Variants in SGCE observed in about 807,000 individuals in gnomAD.
The protein encoded by SGCE is sarcoglycan epsilon, also known as epsilon-sarcoglycan.
Under a neutral mutation model 57.8 loss-of-function variants are expected in SGCE, and 26 were observed. The observed-to-expected ratio is 0.45, with a 90% CI of 0.33 to 0.62. The LOEUF is 0.62. Among genes scored for constraint, SGCE ranks in the 20% least tolerant of loss-of-function variants. SGCE has a pLI of 0.02. For synonymous variants in SGCE, 183 were observed against 189.5 expected, an observed-to-expected ratio of 0.97 and a Z score of 0.28; for missense variants, 468 against 548.6, an observed-to-expected ratio of 0.85 and a Z score of 1.47.
chr7:94,585,611 C>T (rs1796788164), intron 10 of SGCE, 96 bp from the exon 11 acceptor site: 1 of 823,608 alleles, frequency 1.2e-6, no homozygotes, highest in East Asian at 2.4e-5. Flanking sequence ...AGAAAGTTTC[C>T]ATCTTCTTAA....
chr7:94,638,036 A>G (rs1473205129), intron 1 of SGCE, among the ~76,000 whole-genome samples: 2 of 152,206 alleles, frequency 1.3e-5, no homozygotes, highest in African/African-American at 2.4e-5. Flanking sequence ...CCAGCCAGAT[A>G]AGGGTGTAAT....
chr7:94,624,531 G>A (rs923744141), intron 3 of SGCE: 6 of 270,376 alleles, frequency 2.2e-5, no homozygotes, highest in African/African-American at 1.3e-4. Context: ...TTATTTCCTT[G>A]CTGTTATCTG....
At chr7:94,587,762 A>G (rs530763000) in intron 10 of SGCE, 1 of 1,539,582 alleles carries the variant, frequency 6.5e-7, no homozygotes, top group South Asian at 1.2e-5. Context: ...CTGATGAACA[A>G]TTTCATTATA....
chr7:94,588,197 CTTG>C (rs1797166098), intron 10 of SGCE: 17 of 1,074,028 alleles, frequency 1.6e-5, no homozygotes, highest in Non-Finnish European at 1.9e-5. Flanking sequence ...TGTCCGCCAT[CTTG>C]TTGTCATTGG....
At chr7:94,594,103 A>T (rs966725214) in intron 9 of SGCE, among the ~76,000 whole-genome samples, 2 of 152,110 alleles carry the variant, frequency 1.3e-5, no homozygotes, top group Non-Finnish European at 2.9e-5. Flanking sequence ...ATTACTTGGA[A>T]TTAAATTTTT....
At chr7:94,588,371 G>C in intron 10 of SGCE, 4 of 1,143,124 alleles carry the variant, frequency 3.5e-6, no homozygotes, top group Non-Finnish European at 4.3e-6. Flanking sequence ...ATGCATCCAA[G>C]CTAAGAATCT....
chr7:94,631,455 A>C (rs912328503), intron 1 of SGCE, among the ~76,000 whole-genome samples: 3 of 151,976 alleles, frequency 2.0e-5, no homozygotes. Flanking sequence ...CCCAGAGGTA[A>C]AACTGCTTTG....
chr7:94,626,387 T>A (rs1487517620), intron 3 of SGCE: 1 of 152,120 alleles, frequency 6.6e-6, no homozygotes, highest in Non-Finnish European at 1.5e-5. Flanking sequence ...TTAATATAAT[T>A]GTTTAAAAAT....
chr7:94,615,294 G>A (rs1343917422), intron 5 of SGCE, among the ~76,000 whole-genome samples: 1 of 152,068 alleles, frequency 6.6e-6, no homozygotes, highest in Non-Finnish European at 1.5e-5. Context: ...AGGAGGCAGA[G>A]GTTGCTGTGA....
At chr7:94,592,539 AATT>A (rs764725073) in intron 9 of SGCE, among the ~76,000 whole-genome samples, 10 of 152,086 alleles carry the variant, frequency 6.6e-5, no homozygotes, top group African/African-American at 9.7e-5. Flanking sequence ...TATTAGCATT[AATT>A]ATTTTCTCAT....
At chr7:94,619,179 C>T in intron 4 of SGCE, 1 of 490,326 alleles carries the variant, frequency 2.0e-6, no homozygotes, top group Middle Eastern at 5.5e-4. Context: ...ATCCAAGGCT[C>T]ATCAGAGGCT....
At chr7:94,594,743 T>C (rs1798156164) in intron 9 of SGCE, among the ~76,000 whole-genome samples, 1 of 152,104 alleles carries the variant, frequency 6.6e-6, no homozygotes, top group Non-Finnish European at 1.5e-5. Context: ...TTCCTGTACC[T>C]CTACAATCAT....
At chr7:94,608,891 C>A (rs1327178377) in intron 5 of SGCE, among the ~76,000 whole-genome samples, 3 of 152,178 alleles carry the variant, frequency 2.0e-5, no homozygotes, top group African/African-American at 7.2e-5. Context: ...AATCTAGATA[C>A]ATATGCCCTT....
intron 3 of SGCE, chr7:94,623,953 CA>C (rs779704600): frequency 1.1e-4 from 41 of 376,126 alleles, no homozygotes; most frequent in Non-Finnish European, 1.6e-4. Flanking sequence ...GCTTATGGAA[CA>C]TGCTCAAAAA....
intron 3 of SGCE, chr7:94,627,889 G>C: frequency 3.4e-6 from 1 of 290,744 alleles, no homozygotes; most frequent in Non-Finnish European, 6.6e-6. Flanking sequence ...TCAAAATACA[G>C]AGCAAATAAG....
intron 1 of SGCE, among the ~76,000 whole-genome samples, chr7:94,651,079 C>G (rs1293359469): frequency 1.3e-5 from 2 of 152,152 alleles, no homozygotes; most frequent in Admixed American, 1.3e-4. Context: ...CAGAACCTAA[C>G]TAATTTTTTT....
chr7:94,611,283 A>C (rs1191211777), intron 5 of SGCE, among the ~76,000 whole-genome samples: 1 of 152,244 alleles, frequency 6.6e-6, no homozygotes, highest in African/African-American at 2.4e-5. Context: ...AAAAGATGGC[A>C]TATCCATAAA....
intron 1 of SGCE, among the ~76,000 whole-genome samples, chr7:94,647,316 T>G (rs541682560): frequency 6.6e-6 from 1 of 152,224 alleles, no homozygotes; most frequent in African/African-American, 2.4e-5. Flanking sequence ...CCCGACAAAC[T>G]TAGCACCAAA....
chr7:94,613,084 A>G (rs1307777749), intron 5 of SGCE, among the ~76,000 whole-genome samples: 4 of 152,206 alleles, frequency 2.6e-5, no homozygotes, highest in African/African-American at 9.6e-5. Flanking sequence ...TACTGGCTAA[A>G]TGAATGCATG....
Sources: allele counts gnomAD v4.1 joint callset (sites outside exome capture counted in the v4.1 genomes callset), GRCh38; gene constraint gnomAD v4.1.1; transcripts MANE v1.5; gene names NCBI Gene and HGNC (gene_info 2026-07-23, HGNC 2026-07-21).